The following ANKHD1 variants were observed in gnomAD, a reference collection of about 807,000 sequenced individuals.
ANKHD1 encodes ankyrin repeat and KH domain-containing protein 1.
ANKHD1 carries 31 observed loss-of-function variants against 230.5 expected under a neutral mutation model. The ratio of observed to expected loss-of-function variants is 0.13; its 90% confidence interval spans 0.10 to 0.18. The LOEUF (loss-of-function observed/expected upper bound fraction) is 0.18, where lower values mean the gene tolerates loss of function less well. Ranked by LOEUF, ANKHD1 falls within the 10% of genes least tolerant of loss-of-function variation. ANKHD1 has a pLI of 1.00. For synonymous variants in ANKHD1, 1,074 were observed against 1,117.6 expected (o/e 0.96, Z 0.78); for missense variants, 2,256 against 3,071.3 (o/e 0.73, Z 6.27).
Position 140,528,243 on chromosome 5 carries a change from C to G in ANKHD1, c.5297C>G (p.Pro1766Arg). The part of the protein sequence containing the change: ...VQLINALIQD[P>R]AKELEDLIPK... ...CTAATCAATGCACTCATTCAAGATC[C>G]TGCTAAGGAACTGGAAGACTTGATT... is the stretch of plus-strand genomic sequence containing the variant. The change falls in exon 29 of 34, where the codon CCT becomes CGT. Residue 1766 changes from proline (P) to arginine (R), a missense_variant. By Grantham distance (103) the Pro-to-Arg change is moderately radical. Around this residue, in one of 13 missense-constraint regions of ANKHD1, gnomAD observed 778 missense variants for 966.5 expected, o/e 0.80. Coordinates refer to ENST00000360839, the MANE Select transcript of ANKHD1 (RefSeq NM_017747.3). The G allele has an allele frequency of 6.2e-7, 1 of 1,612,744 alleles. No homozygotes were observed. Among genetic ancestry groups the G allele is most frequent in the Non-Finnish European group, 8.5e-7 (1 of 1,179,852 alleles).
intron 26 of ANKHD1, 43 bp downstream of exon 26, chr5:140,526,486 C>T (rs1293296301): frequency 6.5e-7 from 1 of 1,549,748 alleles, no homozygotes. Flanking sequence ...ACCTTTCCTT[C>T]TTCATGCCTG....
chr5:140,425,003 G>A (rs2126881741), intron 1 of ANKHD1, among the ~76,000 whole-genome samples: 1 of 152,290 alleles, frequency 6.6e-6, no homozygotes, highest in South Asian at 2.1e-4. Context: ...TTTATTAATG[G>A]TAGCCTATTA....
At chr5:140,446,245 A>G (rs1774269987) in intron 6 of ANKHD1, among the ~76,000 whole-genome samples, 1 of 152,310 alleles carries the variant, frequency 6.6e-6, no homozygotes, top group East Asian at 1.9e-4. Flanking sequence ...GGTTTCCATT[A>G]TTTAATAACT....
At chr5:140,491,604 C>A (rs911870197) in intron 14 of ANKHD1, among the ~76,000 whole-genome samples, 1 of 152,170 alleles carries the variant, frequency 6.6e-6, no homozygotes, top group African/African-American at 2.4e-5. Context: ...TAGTGCTTCA[C>A]ACCCTGTATA....
chr5:140,452,486 A>C (rs1774827846), intron 7 of ANKHD1, among the ~76,000 whole-genome samples: 1 of 152,160 alleles, frequency 6.6e-6, no homozygotes, highest in Admixed American at 6.5e-5. Context: ...GGGCAGACTG[A>C]CACCTCACAC....
intron 29 of ANKHD1, 88 bp from the exon 30 acceptor site, chr5:140,535,274 C>T: frequency 6.7e-7 from 1 of 1,484,516 alleles, no homozygotes; most frequent in African/African-American, 1.4e-5. Context: ...GTTATTTTTA[C>T]AGCTTATCTC....
At chr5:140,445,716 A>G (rs1581256076) in intron 5 of ANKHD1, 26 bp from the exon 6 acceptor site, 3 of 1,537,480 alleles carry the variant, frequency 2.0e-6, no homozygotes, top group East Asian at 4.6e-5. Context: ...CTGCTCATGT[A>G]TTATATTTCT....
At chr5:140,490,711 T>C (rs943437585) in intron 14 of ANKHD1, among the ~76,000 whole-genome samples, 1 of 152,236 alleles carries the variant, frequency 6.6e-6, no homozygotes, top group African/African-American at 2.4e-5. Context: ...TTAGAATTAA[T>C]CTGCTGCAAA....
At chr5:140,417,377 G>T (rs1231799146) in intron 1 of ANKHD1, among the ~76,000 whole-genome samples, 9 of 148,494 alleles carry the variant, frequency 6.1e-5, no homozygotes, top group Non-Finnish European at 9.0e-5. Flanking sequence ...CTTTTTTTTT[G>T]GTTATTATTT....
At chr5:140,403,312 T>TA (rs1429873622) in intron 1 of ANKHD1, among the ~76,000 whole-genome samples, 1 of 152,146 alleles carries the variant, frequency 6.6e-6, no homozygotes, top group Non-Finnish European at 1.5e-5. Context: ...TTCATTTCTT[T>TA]AACTCTTCTG....
chr5:140,488,250 A>G (rs542671897), intron 14 of ANKHD1, among the ~76,000 whole-genome samples: 219 of 152,216 alleles, frequency 1.4e-3, no homozygotes, highest in Non-Finnish European at 2.7e-3. Context: ...TAAACCTTAT[A>G]GAGGACTGTA....
chr5:140,409,665 G>T lies in ANKHD1; in HGVS notation c.306+7392G>T, dbSNP rs1581200807. Among the ~76,000 whole-genome samples the T allele has an allele frequency of 2.6e-5, 4 of 151,416 alleles. No homozygotes were observed. In the Admixed American group the frequency reaches 2.6e-4, roughly 10 times the overall value. ...CCTCCTGGGTTCAAGTGATTCTCCT[G>T]CCTCAGCCTCCTGAGTAGCTGGGAC... On this transcript the variant is annotated intron_variant, in intron 1 of 33. Transcript: ENST00000360839.
At position 140,529,751 on chromosome 5, in the gene ANKHD1, C is replaced by T; in HGVS notation, c.6805C>T (p.Pro2269Ser). The change falls in exon 29 of 34, where the codon CCT becomes TCT. Residue 2269 changes from proline (P) to serine (S), a missense_variant. Physicochemically the swap from Pro to Ser is moderately conservative, Grantham distance 74. Transcript: ENST00000360839. ...CATGCACCCTGATAACTCAAAGGCA[C>T]CTGGCTTCAGACCACCTTCCCAGCG... Reference protein sequence around the residue: ...ENMHPDNSKAPGFRPPSQRVS... With the variant: ...ENMHPDNSKASGFRPPSQRVS... 1 of 1,614,148 alleles carries T rather than the reference C, an allele frequency of 6.2e-7. No homozygotes were observed. Among genetic ancestry groups the T allele is most frequent in the Non-Finnish European group, 8.5e-7 (1 of 1,180,038 alleles).
chr5:140,477,837 C>G (rs1193784489), intron 10 of ANKHD1, among the ~76,000 whole-genome samples: 4 of 152,086 alleles, frequency 2.6e-5, no homozygotes, highest in Non-Finnish European at 5.9e-5. Flanking sequence ...GTCTTGAACT[C>G]GTGACCTTGT....
intron 1 of ANKHD1, among the ~76,000 whole-genome samples, chr5:140,406,499 C>G (rs1468831596): frequency 2.6e-5 from 4 of 151,608 alleles, no homozygotes; most frequent in African/African-American, 9.7e-5. Context: ...ACAAGCTACT[C>G]TTTCTTGCTG....
At position 140,526,413 on chromosome 5, in the gene ANKHD1, C is replaced by G. The variant is rs1259183104; in HGVS notation, c.4910C>G (p.Thr1637Arg). ...SLLLHSQEEK[T>R]STATSKTQTR... ...CTCCTTCATTCCCAAGAAGAAAAGA[C>G]AAGTACTGCTACTTCCAAAACTCAG... Residue 1637 changes from threonine to arginine, a missense_variant, in exon 26 of 34, where the codon ACA becomes AGA. Around this residue, in one of 13 missense-constraint regions of ANKHD1, gnomAD observed 212 missense variants for 257.3 expected, o/e 0.82. Transcript: ENST00000360839. 1 of 1,613,268 alleles carries G rather than the reference C, an allele frequency of 6.2e-7. No homozygotes were observed. Among genetic ancestry groups the G allele is most frequent in the Non-Finnish European group, 8.5e-7 (1 of 1,179,652 alleles).
intron 1 of ANKHD1, among the ~76,000 whole-genome samples, chr5:140,433,184 T>G (rs1773189958): frequency 6.6e-6 from 1 of 152,114 alleles, no homozygotes; most frequent in Admixed American, 6.5e-5. Flanking sequence ...TTCTTGTGCC[T>G]TAGCCTCCCA....
chr5:140,504,214 T>C (rs142674893), intron 15 of ANKHD1, among the ~76,000 whole-genome samples: 1 of 152,110 alleles, frequency 6.6e-6, no homozygotes, highest in African/African-American at 2.4e-5. Flanking sequence ...CACACCTGGC[T>C]AACTTTCTGT....
chr5:140,537,945 G>A, intron 31 of ANKHD1, 141 bp from the exon 32 acceptor site: 1 of 1,343,678 alleles, frequency 7.4e-7, no homozygotes, highest in Non-Finnish European at 9.7e-7. Flanking sequence ...TTTTTGGCTA[G>A]CAAGACTGTG....
Sources: gnomAD v4.1 joint callset for allele counts (sites outside exome capture counted in the v4.1 genomes callset) on GRCh38, gnomAD v4.1.1 for gene constraint, gnomAD v4.1.1 regional missense constraint, MANE v1.5 for transcripts, NCBI Gene and HGNC (gene_info 2026-07-23, HGNC 2026-07-21) for gene names.